Variants in AP4S1 observed in about 807,000 individuals in gnomAD.
The protein encoded by AP4S1 is adaptor related protein complex 4 subunit sigma 1, also known as AP-4 complex subunit sigma-1.
A neutral mutation model predicts 19.8 loss-of-function variants in AP4S1; 23 were observed. The ratio of observed to expected loss-of-function variants is 1.16; its 90% CI spans 0.84 to 1.65. AP4S1 has a LOEUF of 1.65. AP4S1 is among the 40% of genes most tolerant of loss of function. The pLI is 0.00. For synonymous variants in AP4S1, 46 were observed against 54.1 expected (o/e 0.85, Z 0.66); for missense variants, 166 against 172.8 (o/e 0.96, Z 0.22).
chr14:31,052,389 A>G (rs1885845980), intron 1 of AP4S1, among the ~76,000 whole-genome samples: 1 of 151,952 alleles, frequency 6.6e-6, no homozygotes, highest in Non-Finnish European at 1.5e-5. Flanking sequence ...TTTTAATTAT[A>G]CCTTAGGATA....
chr14:31,072,211 G>T (rs1458032994), intron 3 of AP4S1, among the ~76,000 whole-genome samples: 1 of 152,086 alleles, frequency 6.6e-6, no homozygotes, highest in Non-Finnish European at 1.5e-5. Flanking sequence ...AAAGTGCTGG[G>T]ATTACAGACA....
At chr14:31,046,211 C>T (rs1461138793) in intron 1 of AP4S1, among the ~76,000 whole-genome samples, 1 of 152,054 alleles carries the variant, frequency 6.6e-6, no homozygotes, top group Non-Finnish European at 1.5e-5. Context: ...CCAGCCTCAG[C>T]CTCCCAAAGT....
chr14:31,062,960 C>T (rs1886519114), intron 1 of AP4S1, among the ~76,000 whole-genome samples: 1 of 148,734 alleles, frequency 6.7e-6, no homozygotes, highest in Admixed American at 6.8e-5. Flanking sequence ...GAGCACGAGA[C>T]TCCGTTTCCA....
chr14:31,028,108 T>G (rs1433797615), intron 1 of AP4S1, among the ~76,000 whole-genome samples: 1 of 152,200 alleles, frequency 6.6e-6, no homozygotes, highest in African/African-American at 2.4e-5. Context: ...CCATGTTTTA[T>G]TTCTATATGA....
At chr14:31,055,681 T>C (rs904932174) in intron 1 of AP4S1, among the ~76,000 whole-genome samples, 1 of 151,614 alleles carries the variant, frequency 6.6e-6, no homozygotes, top group Non-Finnish European at 1.5e-5. Flanking sequence ...TAAATCACTT[T>C]TCAGGAGGCA....
chr14:31,074,403 A>G lies in AP4S1; in HGVS notation c.294+1430A>G, dbSNP rs561244806. ...CGCGGTGGCTGACGCCTGTAATCTC[A>G]GCACTTTGAGAGGCCGAGGCAGGCC... On this transcript the variant is annotated intron_variant, in intron 4 of 5. Transcript: ENST00000542754. 3.3e-5 allele frequency among the ~76,000 whole-genome samples: 5 copies of G among 151,864 alleles called. No individual in the cohort carries two copies. In the South Asian group the frequency reaches 1.0e-3, roughly 32 times the overall value.
rs1195661749 is a variant in AP4S1, at chr14:31,066,133, T to C, written c.-64T>C. ...TTTGTTTTTGTCTTCAAGGTTCCAG[T>C]TACAGCCATCCCTTGTCATAACTTT... On this transcript the variant is annotated 5_prime_UTR_variant, in exon 2 of 6. Coordinates refer to ENST00000542754, the MANE Select transcript of AP4S1 (RefSeq NM_001128126.3). 6.5e-7 allele frequency: 1 copy of C among 1,547,840 alleles called. No homozygotes were observed. Among genetic ancestry groups the C allele is most frequent in the African/African-American group, 1.4e-5 (1 of 73,602 alleles).
At chr14:31,026,545 C>G (rs1359144046) in intron 1 of AP4S1, 1 of 200,072 alleles carries the variant, frequency 5.0e-6, no homozygotes, top group Non-Finnish European at 1.0e-5. Flanking sequence ...TCACCCTACG[C>G]CGGCGCACTG....
chr14:31,053,511 G>A (rs1885924664), intron 1 of AP4S1, among the ~76,000 whole-genome samples: 1 of 149,920 alleles, frequency 6.7e-6, no homozygotes, highest in African/African-American at 2.4e-5. Flanking sequence ...GGAACCGAAA[G>A]CCTGAGCTGG....
chr14:31,033,228 T>G (rs1884513912), intron 1 of AP4S1, among the ~76,000 whole-genome samples: 1 of 152,084 alleles, frequency 6.6e-6, no homozygotes, highest in Non-Finnish European at 1.5e-5. Flanking sequence ...TAATTTTTTT[T>G]TTTGAGATGG....
Position 31,093,057 on chromosome 14 carries a change from T to C in AP4S1, c.*22T>C. 2 of 1,544,694 alleles carry C rather than the reference T, an allele frequency of 1.3e-6. No homozygotes were observed. The highest frequency in any genetic ancestry group is 2.7e-5 in the African/African-American group (2 of 72,900). ...CTGAAAGGAAGTCTCTTCGAGACAA[T>C]ATGGATTTATCAGAAATGCGAGTAC... On this transcript the variant is annotated 3_prime_UTR_variant, in exon 6 of 6. Transcript: ENST00000542754.
Position 31,048,810 on chromosome 14 carries a change from G to T in AP4S1, c.-71-17316G>T, listed in dbSNP as rs1885567209. On this transcript the variant is annotated intron_variant, in intron 1 of 5. Transcript: ENST00000542754. ...ATAATGGTTCTTCCGTATCTGCTGAGAACATTTTCAACTTTGGGAGAGACA... is the reference window on the plus strand; with the variant it reads ...ATAATGGTTCTTCCGTATCTGCTGATAACATTTTCAACTTTGGGAGAGACA... Among the ~76,000 whole-genome samples, 3 of 152,166 alleles carry T rather than the reference G, an allele frequency of 2.0e-5. No homozygotes were observed. The South Asian group carries it at 6.2e-4, about 31-fold the overall frequency.
intron 1 of AP4S1, among the ~76,000 whole-genome samples, chr14:31,029,676 G>C (rs778440371): frequency 9.2e-5 from 14 of 152,026 alleles, no homozygotes; most frequent in Non-Finnish European, 2.1e-4. Flanking sequence ...AAATTAGCCA[G>C]AGTGGCCACG....
chr14:31,092,641 C>T (rs1380186176), intron 5 of AP4S1, among the ~76,000 whole-genome samples: 1 of 152,116 alleles, frequency 6.6e-6, no homozygotes, highest in Non-Finnish European at 1.5e-5. Flanking sequence ...TTAGTAGACC[C>T]CCTATCCCTT....
chr14:31,080,710 C>A, intron 5 of AP4S1, 126 bp downstream of exon 5: 1 of 1,348,460 alleles, frequency 7.4e-7, no homozygotes, highest in Non-Finnish European at 1.1e-6. Flanking sequence ...ACAACTATGA[C>A]AAGACAGCCA....
In AP4S1 at chr14:31,095,684, G is replaced by T. The variant is rs1368030618; in HGVS notation, c.*2649G>T. ...TCCATCTGCCTTCGCCTTCCAAAGT[G>T]TTGGGATTACAGGCCTGAGCCACTG... On this transcript the variant is annotated 3_prime_UTR_variant, in exon 6 of 6. Coordinates refer to ENST00000542754, the MANE Select transcript of AP4S1 (RefSeq NM_001128126.3). The T allele has an allele frequency of 6.6e-6, 1 of 152,236 alleles. No homozygotes were observed. The highest frequency in any genetic ancestry group is 1.5e-5 in the Non-Finnish European group (1 of 68,076). The allele number at this position is 152,236 out of a possible 1,614,324, so 9.4% of individuals were successfully genotyped here. A position where few individuals can be genotyped will look rare whatever the true frequency, so the allele number is the denominator to read the frequency against.
chr14:31,057,691 T>G (rs929940505), intron 1 of AP4S1, among the ~76,000 whole-genome samples: 1 of 152,092 alleles, frequency 6.6e-6, no homozygotes, highest in African/African-American at 2.4e-5. Flanking sequence ...AGTGGTGCAG[T>G]CTCGGCTTAC....
chr14:31,037,179 C>T (rs931532332), intron 1 of AP4S1, among the ~76,000 whole-genome samples: 3 of 151,996 alleles, frequency 2.0e-5, no homozygotes, highest in South Asian at 2.1e-4. Context: ...CACACACACA[C>T]GCACACACAC....
intron 5 of AP4S1, among the ~76,000 whole-genome samples, chr14:31,081,701 AAT>A (rs1293956621): frequency 7.3e-5 from 11 of 151,508 alleles, no homozygotes; most frequent in Non-Finnish European, 1.0e-4. Context: ...GAATTATAAC[AAT>A]GTTTATGTGT....
Sources: gnomAD v4.1 joint callset for allele counts (sites outside exome capture counted in the v4.1 genomes callset) on GRCh38, gnomAD v4.1.1 for gene constraint, MANE v1.5 for transcripts, NCBI Gene and HGNC (gene_info 2026-07-23, HGNC 2026-07-21) for gene names.